The following CDYL variants were observed in gnomAD, a reference collection of about 807,000 sequenced individuals.
The protein encoded by CDYL is chromodomain Y-like protein.
A neutral mutation model predicts 47.3 loss-of-function variants in CDYL; 8 were observed. That is an observed-to-expected ratio of 0.17 (90% CI 0.10 to 0.31). The LOEUF (loss-of-function observed/expected upper bound fraction) is 0.31. CDYL is among the 10% of genes least tolerant of loss of function. The probability of loss-of-function intolerance (pLI) is 1.00; values close to 1 mark genes in which losing one functional copy is unlikely to be tolerated. For synonymous variants in CDYL, 266 were observed against 265.0 expected, an observed-to-expected ratio of 1.00 and a Z score of -0.04; for missense variants, 471 against 701.4, an observed-to-expected ratio of 0.67 and a Z score of 3.71.
chr6:4,930,838 T>G (rs531925037), intron 2 of CDYL, among the ~76,000 whole-genome samples: 1 of 152,238 alleles, frequency 6.6e-6, no homozygotes, highest in Non-Finnish European at 1.5e-5. Flanking sequence ...TAGGAAAGCC[T>G]TGGTACTCTG....
chr6:4,756,900 T>C (rs1439475284), intron 3 of CDYL, among the ~76,000 whole-genome samples: 2 of 152,190 alleles, frequency 1.3e-5, no homozygotes, highest in East Asian at 3.8e-4. Flanking sequence ...TTATAGCTTA[T>C]TGTGATGTTC....
chr6:4,783,179 A>AT (rs968249428), intron 1 of CDYL, among the ~76,000 whole-genome samples: 84 of 128,654 alleles, frequency 6.5e-4, no homozygotes, highest in East Asian at 1.9e-3. Context: ...TCCTTCTGGG[A>AT]TTTTTTTTTT....
chr6:4,926,837 A>C (rs1412937910), intron 2 of CDYL, among the ~76,000 whole-genome samples: 1 of 151,920 alleles, frequency 6.6e-6, no homozygotes, highest in Non-Finnish European at 1.5e-5. Flanking sequence ...TTTTTCATGT[A>C]TGATTTTGGG....
At chr6:4,725,777 C>CTCG (rs1757501392) in intron 2 of CDYL, among the ~76,000 whole-genome samples, 1 of 152,242 alleles carries the variant, frequency 6.6e-6, no homozygotes, top group Non-Finnish European at 1.5e-5. Flanking sequence ...GGCTGAGGGG[C>CTCG]TCAAGCGTGG....
At chr6:4,776,093 G>A, upstream of CDYL, among the ~76,000 whole-genome samples, 1 of 150,400 alleles carries the variant, frequency 6.6e-6, no homozygotes, top group East Asian at 2.0e-4. Context: ...GGGCTGGGGG[G>A]CGGTGCCGCG....
At chr6:4,908,303 C>T (rs1369467253) in intron 2 of CDYL, among the ~76,000 whole-genome samples, 1 of 152,150 alleles carries the variant, frequency 6.6e-6, no homozygotes, top group Non-Finnish European at 1.5e-5. Flanking sequence ...CCGGGCAGGC[C>T]ATCCAGGCCG....
At chr6:4,728,139 G>C (rs945093976) in intron 2 of CDYL, among the ~76,000 whole-genome samples, 1 of 152,304 alleles carries the variant, frequency 6.6e-6, no homozygotes, top group South Asian at 2.1e-4. Context: ...TCTTCAGAGT[G>C]TTATCACTCC....
chr6:4,946,061 T>C (rs1758505668), intron 5 of CDYL, among the ~76,000 whole-genome samples: 2 of 152,182 alleles, frequency 1.3e-5, no homozygotes, highest in African/African-American at 4.8e-5. Context: ...CCGATCACAT[T>C]GGCATCTCCT....
intron 1 of CDYL, among the ~76,000 whole-genome samples, chr6:4,885,908 A>G (rs1482008542): frequency 2.0e-5 from 3 of 151,802 alleles, no homozygotes; most frequent in Non-Finnish European, 4.4e-5. Flanking sequence ...CTTCCTATTT[A>G]CCCCTGTTAC....
At chr6:4,710,567 G>A (rs1436574505) in intron 1 of CDYL, among the ~76,000 whole-genome samples, 1 of 152,044 alleles carries the variant, frequency 6.6e-6, no homozygotes, top group African/African-American at 2.4e-5. Flanking sequence ...CAGGGAGGGA[G>A]GGAGGGAGGA....
chr6:4,945,224 A>G (rs1346260387), intron 5 of CDYL, among the ~76,000 whole-genome samples: 1 of 152,172 alleles, frequency 6.6e-6, no homozygotes, highest in Non-Finnish European at 1.5e-5. Flanking sequence ...TGGTCATCTT[A>G]AGATGTTATG....
chr6:4,711,136 C>G (rs1757145736), intron 1 of CDYL, among the ~76,000 whole-genome samples: 1 of 152,182 alleles, frequency 6.6e-6, no homozygotes, highest in Non-Finnish European at 1.5e-5. Flanking sequence ...ACTTGTCTCT[C>G]TAAGATCACA....
intron 3 of CDYL, among the ~76,000 whole-genome samples, chr6:4,766,913 A>G (rs1758263097): frequency 6.6e-6 from 1 of 152,036 alleles, no homozygotes; most frequent in Admixed American, 6.5e-5. Context: ...TGATGTGGGA[A>G]GATCACTTGA....
intron 2 of CDYL, among the ~76,000 whole-genome samples, chr6:4,921,158 A>C (rs1757703600): frequency 6.6e-6 from 1 of 152,238 alleles, no homozygotes; most frequent in African/African-American, 2.4e-5. Context: ...ATAGATAAAT[A>C]GGACAGAGAT....
chr6:4,894,050 C>T (rs562489892), intron 2 of CDYL, among the ~76,000 whole-genome samples: 29 of 152,168 alleles, frequency 1.9e-4, no homozygotes, highest in Non-Finnish European at 3.4e-4. Flanking sequence ...GGTTTGACTT[C>T]CTATATTGTT....
chr6:4,722,126 T>G (rs1757381833), intron 2 of CDYL, among the ~76,000 whole-genome samples: 1 of 152,214 alleles, frequency 6.6e-6, no homozygotes, highest in Admixed American at 6.5e-5. Context: ...GTGTTGGGAT[T>G]ACAGGCATGA....
chr6:4,707,427 G>A (rs1757067360), intron 1 of CDYL, among the ~76,000 whole-genome samples: 1 of 152,138 alleles, frequency 6.6e-6, no homozygotes, highest in Non-Finnish European at 1.5e-5. Flanking sequence ...ACAGGCATGT[G>A]ACACCACACT....
intron 3 of CDYL, among the ~76,000 whole-genome samples, chr6:4,760,194 G>A (rs561782838): frequency 7.9e-5 from 12 of 151,940 alleles, no homozygotes; most frequent in African/African-American, 2.7e-4. Context: ...AATATTTATA[G>A]CAGGAATGCC....
chr6:4,950,026 T>C (rs795830), intron 5 of CDYL, among the ~76,000 whole-genome samples: 145,672 of 152,228 alleles, frequency 0.96, 70,026 homozygotes, highest in East Asian at 1. Flanking sequence ...GGCGGGGCTG[T>C]GGAGGAAGAC....
Sources: allele counts gnomAD v4.1 joint callset (sites outside exome capture counted in the v4.1 genomes callset), GRCh38; gene constraint gnomAD v4.1.1; transcripts MANE v1.5; gene names NCBI Gene and HGNC (gene_info 2026-07-23, HGNC 2026-07-21).